The following SGCZ variants were observed in gnomAD, a reference collection of about 807,000 sequenced individuals.
SGCZ encodes the protein sarcoglycan zeta.
In SGCZ, 40 loss-of-function variants were observed where a neutral mutation model predicts 41.3. The observed-to-expected ratio is 0.97, with a 90% confidence interval of 0.75 to 1.26. The LOEUF (loss-of-function observed/expected upper bound fraction) is 1.26, where lower values mean the gene tolerates loss of function less well. Among genes scored for constraint, SGCZ ranks in the 50% most tolerant of loss-of-function variants. The pLI is 0.00. For synonymous variants in SGCZ, 206 were observed against 137.5 expected (o/e 1.50, Z -3.49); for missense variants, 552 against 369.8 (o/e 1.49, Z -4.04).
At chr8:14,178,465 T>A (rs1490046754) in intron 4 of SGCZ, among the ~76,000 whole-genome samples, 3 of 152,234 alleles carry the variant, frequency 2.0e-5, no homozygotes, top group Admixed American at 2.0e-4. Context: ...TTAGAAATAA[T>A]TTAGATCCAG....
chr8:14,716,616 T>C (rs1295519924), intron 1 of SGCZ, among the ~76,000 whole-genome samples: 2 of 152,110 alleles, frequency 1.3e-5, no homozygotes, highest in African/African-American at 4.8e-5. Context: ...TATTTGTCTG[T>C]AATAGAAAAA....
chr8:14,677,868 A>G (rs564519270), intron 1 of SGCZ, among the ~76,000 whole-genome samples: 1 of 152,352 alleles, frequency 6.6e-6, no homozygotes, highest in East Asian at 1.9e-4. Flanking sequence ...GAGGAGAACG[A>G]AGTTGGAGGA....
chr8:14,274,410 G>A (rs922078192), intron 3 of SGCZ, among the ~76,000 whole-genome samples: 5 of 152,088 alleles, frequency 3.3e-5, no homozygotes, highest in Admixed American at 6.5e-5. Context: ...TGTACAAGTC[G>A]TTGGTTTTAA....
intron 1 of SGCZ, among the ~76,000 whole-genome samples, chr8:14,609,762 C>G (rs1345861137): frequency 6.6e-6 from 1 of 151,916 alleles, no homozygotes; most frequent in Non-Finnish European, 1.5e-5. Context: ...TCTAAAAGAG[C>G]AGTGGTTTGT....
At chr8:15,204,686 C>A (rs1244733709) in intron 1 of SGCZ, among the ~76,000 whole-genome samples, 1 of 152,152 alleles carries the variant, frequency 6.6e-6, no homozygotes, top group African/African-American at 2.4e-5. Context: ...CTGTATAAAG[C>A]CCTTCCAGAC....
At chr8:14,774,232 T>G (rs28533144) in intron 1 of SGCZ, among the ~76,000 whole-genome samples, 18,841 of 152,136 alleles carry the variant, frequency 0.12, 1,779 homozygotes, top group African/African-American at 0.26. Flanking sequence ...CCTTCAGACA[T>G]GAACTGCTAT....
chr8:15,126,335 T>A (rs1042959638), intron 1 of SGCZ, among the ~76,000 whole-genome samples: 6 of 152,204 alleles, frequency 3.9e-5, no homozygotes, highest in African/African-American at 1.4e-4. Flanking sequence ...TCCAAATGCA[T>A]GGATTTATAC....
At chr8:14,673,576 A>G (rs1013064794) in intron 1 of SGCZ, among the ~76,000 whole-genome samples, 1 of 152,142 alleles carries the variant, frequency 6.6e-6, no homozygotes, top group East Asian at 1.9e-4. Context: ...CTGTGAGTCA[A>G]TTAAACCTCT....
At chr8:14,436,910 AAT>A (rs1296156955) in intron 2 of SGCZ, among the ~76,000 whole-genome samples, 1 of 152,082 alleles carries the variant, frequency 6.6e-6, no homozygotes, top group Non-Finnish European at 1.5e-5. Context: ...TTTCTAAAGA[AAT>A]AAAGCTTTTC....
intron 2 of SGCZ, among the ~76,000 whole-genome samples, chr8:14,536,511 G>C (rs1167010086): frequency 6.6e-6 from 1 of 151,496 alleles, no homozygotes; most frequent in Non-Finnish European, 1.5e-5. Context: ...TTAGCATATA[G>C]AAATTATTAC....
At chr8:15,233,381 A>T (rs189358788) in intron 1 of SGCZ, among the ~76,000 whole-genome samples, 1 of 151,668 alleles carries the variant, frequency 6.6e-6, no homozygotes, top group East Asian at 1.9e-4. Context: ...TTTAAGTGCC[A>T]ACTCTCTTAT....
At chr8:14,363,207 A>G (rs1319834823) in intron 2 of SGCZ, among the ~76,000 whole-genome samples, 1 of 152,134 alleles carries the variant, frequency 6.6e-6, no homozygotes, top group East Asian at 1.9e-4. Context: ...AGGTCCTATA[A>G]TGACACTTTG....
chr8:14,123,120 A>C (rs17118706), intron 5 of SGCZ, among the ~76,000 whole-genome samples: 29,961 of 152,126 alleles, frequency 0.2, 3,741 homozygotes, highest in East Asian at 0.65. Flanking sequence ...ACTTTTTTGG[A>C]AGAATGCAAT....
At chr8:14,992,622 A>G (rs887574199) in intron 1 of SGCZ, among the ~76,000 whole-genome samples, 1 of 145,868 alleles carries the variant, frequency 6.9e-6, no homozygotes, top group East Asian at 2.1e-4. Context: ...AACCAGTGTT[A>G]CCCTTGATAT....
intron 1 of SGCZ, among the ~76,000 whole-genome samples, chr8:14,557,386 T>G (rs1204239184): frequency 6.6e-6 from 1 of 152,042 alleles, no homozygotes; most frequent in Non-Finnish European, 1.5e-5. Context: ...GTTGTCTGTT[T>G]ACCTTTCTGA....
intron 1 of SGCZ, among the ~76,000 whole-genome samples, chr8:14,599,119 T>A (rs1373193602): frequency 6.6e-6 from 1 of 152,156 alleles, no homozygotes; most frequent in Admixed American, 6.5e-5. Context: ...ATCAACAACA[T>A]CTTCATCTCC....
intron 2 of SGCZ, among the ~76,000 whole-genome samples, chr8:14,363,866 T>C (rs540339218): frequency 1.3e-5 from 2 of 152,328 alleles, no homozygotes; most frequent in African/African-American, 4.8e-5. Context: ...ATTTATTTCC[T>C]CTTTAATTAT....
chr8:14,280,959 G>C (rs576396844), intron 3 of SGCZ, among the ~76,000 whole-genome samples: 1 of 151,584 alleles, frequency 6.6e-6, no homozygotes, highest in African/African-American at 2.4e-5. Flanking sequence ...TTTCTAATTT[G>C]ATAACCATAT....
intron 2 of SGCZ, among the ~76,000 whole-genome samples, chr8:14,548,209 T>C (rs1803691274): frequency 6.6e-6 from 1 of 152,080 alleles, no homozygotes; most frequent in African/African-American, 2.4e-5. Flanking sequence ...AGCTAATAAA[T>C]GAGAAAGCCA....
Sources: gnomAD v4.1 joint callset for allele counts (sites outside exome capture counted in the v4.1 genomes callset) on GRCh38, gnomAD v4.1.1 for gene constraint, MANE v1.5 for transcripts, NCBI Gene and HGNC (gene_info 2026-07-23, HGNC 2026-07-21) for gene names.